ZNF395: variants seen among roughly 807,000 people sequenced by gnomAD.
The protein encoded by ZNF395 is HD gene regulatory region-binding protein 2.
ZNF395 carries 20 observed loss-of-function variants against 57.7 expected under a neutral mutation model. The ratio of observed to expected loss-of-function variants is 0.35; its 90% confidence interval spans 0.24 to 0.50. The LOEUF (loss-of-function observed/expected upper bound fraction) is 0.50, where lower values mean the gene tolerates loss of function less well. Among genes scored for constraint, ZNF395 ranks in the 20% least tolerant of loss-of-function variants. The pLI is 0.97. For synonymous variants in ZNF395, 295 were observed against 275.9 expected (o/e 1.07, Z -0.69); for missense variants, 606 against 671.2 (o/e 0.90, Z 1.07).
chr8:28,359,681 C>T lies in ZNF395; in HGVS notation c.384G>A (p.Gln128=), dbSNP rs1585855522. 1 of 1,613,904 alleles carries T rather than the reference C, an allele frequency of 6.2e-7. No homozygotes were observed. The highest frequency in any genetic ancestry group is 2.2e-5 in the East Asian group (1 of 44,890). ...GGGGTGGTGCCTGGGGACAGGGGCC[C>T]TGCAGCTCTGCCAGCCACACCTCCT... The part of the protein sequence containing the change: ...RVEEVWLAEL[Q]GPCPQAPPLE... The change falls in exon 3 of 10, where the codon CAG becomes CAA. Residue 128 remains glutamine (Q), a synonymous_variant. Coordinates refer to ENST00000344423, the MANE Select transcript of ZNF395 (RefSeq NM_018660.3). This position sits in a 1 kb window ranked among gnomAD's most constrained non-coding sequence, Gnocchi z 4.7.
intron 1 of ZNF395, 28 bp from the exon 2 acceptor site, chr8:28,361,210 G>A: frequency 2.5e-6 from 4 of 1,589,444 alleles, no homozygotes; most frequent in Non-Finnish European, 3.4e-6. Flanking sequence ...CTTTCAGGAG[G>A]GAGCCCCACA....
chr8:28,361,999 G>A (rs113633494), intron 1 of ZNF395, among the ~76,000 whole-genome samples: 2 of 151,392 alleles, frequency 1.3e-5, no homozygotes, highest in African/African-American at 4.9e-5. Context: ...GCTGAGACAG[G>A]AGAATTGCTT....
chr8:28,362,581 C>T (rs1801863919), intron 1 of ZNF395, among the ~76,000 whole-genome samples: 1 of 150,226 alleles, frequency 6.7e-6, no homozygotes, highest in Non-Finnish European at 1.5e-5. Flanking sequence ...GAAGAAGACA[C>T]CTGTGGCACA....
rs770455951 is a variant in ZNF395, at chr8:28,352,768, G to A, written c.820-95C>T. The A allele has an allele frequency of 1.1e-5, 12 of 1,078,840 alleles. No homozygotes were observed. Among genetic ancestry groups the A allele is most frequent in the South Asian group, 2.8e-5 (2 of 71,812 alleles). 66.8% of individuals were successfully genotyped at this position (1,078,840 alleles called of 1,614,324 possible). A position where few individuals can be genotyped will look rare whatever the true frequency, so the allele number is the denominator to read the frequency against. Reference sequence around the variant, plus strand: ...GGGACTCAAACTGGCTGCTGTCCCCGGCCTGACCCAACAAAAACCTCCAGG... The same window carrying A: ...GGGACTCAAACTGGCTGCTGTCCCCAGCCTGACCCAACAAAAACCTCCAGG... On this transcript the variant is annotated intron_variant, in intron 5 of 9. Transcript: ENST00000344423. The surrounding 1 kb of genome is among the most constrained non-coding windows in gnomAD (Gnocchi z 4.0).
chr8:28,349,334 C>A lies in ZNF395; in HGVS notation c.1327-106G>T, dbSNP rs902761028. On this transcript the variant is annotated intron_variant, in intron 8 of 9. Transcript: ENST00000344423. Reference sequence around the variant, plus strand: ...CGTCCCCAGCTCCTGGTGCAGAAGGCCTCGCACCTTCTCAGGGAGAACACT... The same window carrying A: ...CGTCCCCAGCTCCTGGTGCAGAAGGACTCGCACCTTCTCAGGGAGAACACT... 4 of 791,286 alleles carry A rather than the reference C, an allele frequency of 5.1e-6. No individual in the cohort carries two copies. In the East Asian group the frequency reaches 1.2e-4, roughly 24 times the overall value. The allele number at this position is 791,286 out of a possible 1,614,324, so 49.0% of individuals were successfully genotyped here.
intron 5 of ZNF395, 131 bp downstream of exon 5, chr8:28,353,041 TA>T: frequency 2.6e-6 from 2 of 781,938 alleles, no homozygotes; most frequent in Non-Finnish European, 4.2e-6. Flanking sequence ...GAAGCAGCAA[TA>T]AAAAACCGAA....
At chr8:28,349,034 C>G (rs1801644464) in intron 9 of ZNF395, 91 bp downstream of exon 9, 1 of 1,339,530 alleles carries the variant, frequency 7.5e-7, no homozygotes, top group Non-Finnish European at 1.0e-6. Context: ...GGGACTAACC[C>G]TGGTGACTTC....
At chr8:28,365,006 A>G (rs1801894247) in intron 1 of ZNF395, among the ~76,000 whole-genome samples, 1 of 152,230 alleles carries the variant, frequency 6.6e-6, no homozygotes, top group African/African-American at 2.4e-5. Context: ...ACGCAAAGGG[A>G]TAATGGAATC....
chr8:28,375,212 C>T lies in ZNF395; in HGVS notation c.-59+11181G>A, dbSNP rs547286146. ...GATCAGACTGAGCAACACAGTGAGACCCTGTCTCTAAAAAAAATTTAAAAA... is the reference window on the plus strand; with the variant it reads ...GATCAGACTGAGCAACACAGTGAGATCCTGTCTCTAAAAAAAATTTAAAAA... On this transcript the variant is annotated intron_variant, in intron 1 of 9. Coordinates refer to ENST00000344423, the MANE Select transcript of ZNF395 (RefSeq NM_018660.3). 124 of 152,050 alleles carry T rather than the reference C, an allele frequency of 8.2e-4. 1 individual carries two copies. The highest frequency in any genetic ancestry group is 1.5e-3 in the Non-Finnish European group (99 of 68,110). The allele number at this position is 152,050 out of a possible 1,614,324, so 9.4% of individuals were successfully genotyped here.
At position 28,356,904 on chromosome 8, in the gene ZNF395, C is replaced by T; in HGVS notation, c.474-125G>A. Reference sequence around the variant, plus strand: ...ATCTTACACTTCTGGACTGTCCCCTCCAAGTGCCCCCAACTCCAATCAGCC... The same window carrying T: ...ATCTTACACTTCTGGACTGTCCCCTTCAAGTGCCCCCAACTCCAATCAGCC... On this transcript the variant is annotated intron_variant, in intron 3 of 9. Transcript: ENST00000344423. This position sits in a 1 kb window ranked among gnomAD's most constrained non-coding sequence, Gnocchi z 4.0. The T allele has an allele frequency of 1.5e-6, 1 of 688,694 alleles. No individual in the cohort carries two copies. Among genetic ancestry groups the T allele is most frequent in the Non-Finnish European group, 2.5e-6 (1 of 404,562 alleles). 42.7% of individuals were successfully genotyped at this position (688,694 alleles called of 1,614,324 possible).
In ZNF395 at chr8:28,359,378, G is replaced by C. The variant is rs757064831; in HGVS notation, c.473+214C>G. The stretch of plus-strand genomic sequence containing the variant: ...GATCATGCCACTGAACTCCAGCCTA[G>C]GTGAGAGAGTGAGACTCCGTCTCAA... On this transcript the variant is annotated intron_variant, in intron 3 of 9. Coordinates refer to ENST00000344423, the MANE Select transcript of ZNF395 (RefSeq NM_018660.3). The surrounding 1 kb of genome is among the most constrained non-coding windows in gnomAD (Gnocchi z 4.7). Among the ~76,000 whole-genome samples, 2 of 152,206 alleles carry C rather than the reference G, an allele frequency of 1.3e-5. No homozygotes were observed. The highest frequency in any genetic ancestry group is 1.9e-4 in the East Asian group (1 of 5,192).
At chr8:28,353,067 A>G in intron 5 of ZNF395, 106 bp downstream of exon 5, 1 of 1,059,302 alleles carries the variant, frequency 9.4e-7, no homozygotes, top group Non-Finnish European at 1.4e-6. Flanking sequence ...GAGTGAACCC[A>G]AGACTATCTA....
rs1023989057 is a variant in ZNF395 at position 28,348,020 on chromosome 8, G to C, written c.*699C>G. On this transcript the variant is annotated 3_prime_UTR_variant, in exon 10 of 10. Coordinates refer to ENST00000344423, the MANE Select transcript of ZNF395 (RefSeq NM_018660.3). The stretch of plus-strand genomic sequence containing the variant: ...CAGCCTTTTGGCTCAGCTATTTGGC[G>C]ACAGTCTTTTAAAAAACCTCTTTCT... 6.6e-6 allele frequency: 1 copy of C among 152,142 alleles called. No individual in the cohort carries two copies. The highest frequency in any genetic ancestry group is 2.4e-5 in the African/African-American group (1 of 41,426). The allele number at this position is 152,142 out of a possible 1,614,324, so 9.4% of individuals were successfully genotyped here. A position where few individuals can be genotyped will look rare whatever the true frequency, so the allele number is the denominator to read the frequency against.
rs995952718 is a variant in ZNF395, at chr8:28,352,207, T to G, written c.920+366A>C. Among the ~76,000 whole-genome samples, 1 of 152,052 alleles carries G rather than the reference T, an allele frequency of 6.6e-6. No individual in the cohort carries two copies. On this transcript the variant is annotated intron_variant, in intron 6 of 9. Coordinates refer to ENST00000344423, the MANE Select transcript of ZNF395 (RefSeq NM_018660.3). The surrounding 1 kb of genome is among the most constrained non-coding windows in gnomAD (Gnocchi z 4.0). ...ACAGAACACGGCGGAGGCACCAGGG[T>G]GGGGCTAGCGGAGACCCACTCCCAA...
intron 1 of ZNF395, among the ~76,000 whole-genome samples, chr8:28,382,326 A>T (rs1256993766): frequency 6.6e-6 from 1 of 152,162 alleles, no homozygotes; most frequent in Non-Finnish European, 1.5e-5. Flanking sequence ...CATATGCTTA[A>T]AACACTCCCT....
chr8:28,381,332 C>T (rs1020069364), intron 1 of ZNF395, among the ~76,000 whole-genome samples: 3 of 152,070 alleles, frequency 2.0e-5, no homozygotes, highest in Admixed American at 6.5e-5. Context: ...TGAGCCACCG[C>T]GCCCAGCCCC....
chr8:28,374,324 T>G (rs7000751), intron 1 of ZNF395, among the ~76,000 whole-genome samples: 3 of 152,130 alleles, frequency 2.0e-5, no homozygotes, highest in African/African-American at 7.2e-5. Context: ...GAACAGCAAG[T>G]CCATGAAAGT....
intron 2 of ZNF395, among the ~76,000 whole-genome samples, chr8:28,360,172 G>A (rs899005788): frequency 1.3e-5 from 2 of 152,206 alleles, no homozygotes; most frequent in Admixed American, 6.5e-5. Flanking sequence ...ACTCTGAATT[G>A]CTCATTATCC....
At chr8:28,366,064 A>G (rs566184409) in intron 1 of ZNF395, among the ~76,000 whole-genome samples, 1 of 152,350 alleles carries the variant, frequency 6.6e-6, no homozygotes, top group East Asian at 1.9e-4. Flanking sequence ...AACACAAGTC[A>G]TAAGTCAAAG....
Sources: allele counts gnomAD v4.1 joint callset (sites outside exome capture counted in the v4.1 genomes callset), GRCh38; gene constraint gnomAD v4.1.1; non-coding constraint Gnocchi (gnomAD v3.1); transcripts MANE v1.5; gene names NCBI Gene and HGNC (gene_info 2026-07-23, HGNC 2026-07-21).